ZNF469: variants seen among roughly 807,000 people sequenced by gnomAD.
ZNF469 encodes zinc finger protein 469.
A neutral mutation model predicts 1.0 loss-of-function variants in ZNF469; 1 was observed. The observed-to-expected ratio is 1.00, with a 90% confidence interval of 0.35 to 4.73. ZNF469 has a LOEUF of 4.73. ZNF469 is among the 30% of genes most tolerant of loss of function. ZNF469 has a pLI of 0.16. For missense variants in ZNF469, 6,100 were observed against 5,356.3 expected (o/e 1.14, Z -4.33); for synonymous variants, 2,703 against 2,363.4 (o/e 1.14, Z -4.17).
At chr16:88,104,799 A>T in the ZNF469 span, among the ~76,000 whole-genome samples, 453 of 150,212 alleles carry the variant, frequency 3.0e-3, 2 homozygotes, top group Non-Finnish European at 5.0e-3. Context: ...TGTGCTCCCC[A>T]CCCCTCCCTT....
chr16:88,296,521 C>A, the ZNF469 span, among the ~76,000 whole-genome samples: 2 of 149,890 alleles, frequency 1.3e-5, no homozygotes, highest in East Asian at 1.9e-4. Context: ...ACCCTCCCCA[C>A]ACACACACAG....
At chr16:88,264,941 G>C in the ZNF469 span, among the ~76,000 whole-genome samples, 2 of 152,260 alleles carry the variant, frequency 1.3e-5, no homozygotes, top group South Asian at 4.1e-4. Context: ...CTCATCCAGG[G>C]AGCGGGCACA....
the ZNF469 span, among the ~76,000 whole-genome samples, chr16:88,325,222 T>C: frequency 0.093 from 11,190 of 120,946 alleles, 514 homozygotes; most frequent in African/African-American, 0.19. Flanking sequence ...AGCTGTGACA[T>C]ACACAGGGCC....
At chr16:88,117,678 G>A in the ZNF469 span, among the ~76,000 whole-genome samples, 36 of 146,504 alleles carry the variant, frequency 2.5e-4, no homozygotes, top group Middle Eastern at 7.1e-3. Flanking sequence ...GAGGTGCCAC[G>A]TGTCTTCGGG....
chr16:88,184,401 G>A, the ZNF469 span, among the ~76,000 whole-genome samples: 1 of 151,920 alleles, frequency 6.6e-6, no homozygotes, highest in Non-Finnish European at 1.5e-5. Context: ...CTCCAAAGCC[G>A]CAGCCAATGA....
the ZNF469 span, among the ~76,000 whole-genome samples, chr16:88,122,202 T>C: frequency 6.2e-5 from 9 of 145,904 alleles, no homozygotes; most frequent in African/African-American, 2.3e-4. Flanking sequence ...CGTCACTCAA[T>C]AGGGCCACGG....
upstream of ZNF469, among the ~76,000 whole-genome samples, chr16:88,380,920 T>G (rs1201981391): frequency 1.6e-5 from 1 of 60,764 alleles, no homozygotes; most frequent in Non-Finnish European, 2.7e-5. Flanking sequence ...AGACATGCAC[T>G]CACACAGACA....
chr16:88,315,175 G>A, the ZNF469 span, among the ~76,000 whole-genome samples: 7 of 152,238 alleles, frequency 4.6e-5, no homozygotes, highest in African/African-American at 1.7e-4. Context: ...CCGAGGGCCA[G>A]GGCTCCAGGG....
rs1906507347 is a variant in ZNF469 at position 88,435,511 on chromosome 16, G to C, written c.8041G>C (p.Val2681Leu). The change falls in exon 3 of 3, where the codon GTG becomes CTG. Residue 2681 changes from valine (V) to leucine (L), a missense_variant. By Grantham distance (32) the Val-to-Leu change is conservative. Transcript: ENST00000565624. Reference protein sequence around the residue: ...YAASPSHCLSVEGGPEADGEQ... With the variant: ...YAASPSHCLSLEGGPEADGEQ... ...AGCCTCTCCGAGCCACTGCCTCTCT[G>C]TGGAAGGAGGGCCTGAGGCTGACGG... is the stretch of plus-strand genomic sequence containing the variant. 1.3e-6 allele frequency: 2 copies of C among 1,549,394 alleles called. No individual in the cohort carries two copies.
Position 88,437,058 on chromosome 16 carries a change from G to A in ZNF469, c.9588G>A (p.Glu3196=), listed in dbSNP as rs1906636432. The A allele has an allele frequency of 6.5e-7, 1 of 1,538,396 alleles. No homozygotes were observed. The highest frequency in any genetic ancestry group is 8.7e-7 in the Non-Finnish European group (1 of 1,143,768). Residue 3196 remains glutamate (E), a synonymous_variant, in exon 3 of 3, where the codon GAG becomes GAA. Coordinates refer to ENST00000565624, the MANE Select transcript of ZNF469 (RefSeq NM_001367624.2). ...DVWMYNEHLR[E]HAVRFARRGQ... is the part of the protein sequence containing the mutation. ...GGATGTACAACGAGCACCTGCGTGA[G>A]CACGCGGTCCGCTTCGCCCGCAGGG...
intron 1 of ZNF469, among the ~76,000 whole-genome samples, chr16:88,388,417 G>C (rs951498478): frequency 2.0e-5 from 3 of 152,236 alleles, no homozygotes; most frequent in Admixed American, 2.0e-4. Flanking sequence ...GGGCACGGCA[G>C]CCGCCTGCAG....
At position 88,431,243 on chromosome 16, in the gene ZNF469, C is replaced by A. The variant is rs141255631; in HGVS notation, c.3773C>A (p.Ala1258Glu). The change falls in exon 3 of 3, where the codon GCA (alanine) becomes GAA (glutamate). Residue 1258 changes from alanine to glutamate, a missense_variant. Coordinates refer to ENST00000565624, the MANE Select transcript of ZNF469 (RefSeq NM_001367624.2). ...PPAACAGEMG[A>E]SPGLLIPEQP... ...GCCGCCTGTGCGGGAGAAATGGGAG[C>A]AAGCCCCGGTCTCCTGATACCAGAG... 4,808 of 1,550,390 alleles carry A rather than the reference C, an allele frequency of 3.1e-3. 6 individuals carry two copies. The highest frequency in any genetic ancestry group is 3.8e-3 in the Non-Finnish European group (4,397 of 1,146,976).
the ZNF469 span, among the ~76,000 whole-genome samples, chr16:88,251,536 G>GTGTTTTTTTTTTTTTTTTTTTTTTTT: frequency 1.3e-4 from 10 of 78,810 alleles, no homozygotes; most frequent in Middle Eastern, 8.1e-3. Flanking sequence ...TGTCCCTGCT[G>GTGTTTTTTTTTTTTTTTTTTTTTTTT]TCTTTTTTTT....
chr16:88,301,769 T>A, the ZNF469 span, among the ~76,000 whole-genome samples: 1 of 152,188 alleles, frequency 6.6e-6, no homozygotes, highest in East Asian at 1.9e-4. Context: ...ACATCCTTTT[T>A]GTGGGTTACT....
At chr16:88,123,645 C>G in the ZNF469 span, among the ~76,000 whole-genome samples, 4 of 151,738 alleles carry the variant, frequency 2.6e-5, no homozygotes, top group South Asian at 8.3e-4. Flanking sequence ...AAACCCTTGC[C>G]AAAGGGGTCG....
At chr16:88,114,258 T>G in the ZNF469 span, among the ~76,000 whole-genome samples, 96,176 of 110,078 alleles carry the variant, frequency 0.87, 42,527 homozygotes, top group Non-Finnish European at 0.91. Flanking sequence ...TCACTGCGGG[T>G]GTCTCCGGGG....
At chr16:88,292,611 G>A in the ZNF469 span, among the ~76,000 whole-genome samples, 12 of 152,056 alleles carry the variant, frequency 7.9e-5, no homozygotes, top group Admixed American at 7.2e-4. Context: ...GCTGGAATTT[G>A]GAGCTGGAAT....
chr16:88,381,257 CGCACTCACACAGACAT>C (rs2092523893), upstream of ZNF469, among the ~76,000 whole-genome samples: 1 of 148,700 alleles, frequency 6.7e-6, no homozygotes, highest in African/African-American at 2.5e-5. Context: ...TGCACTCACA[CGCACTCACACAGACAT>C]GCACTCACAC....
chr16:88,420,515 T>C (rs900633640), intron 1 of ZNF469, among the ~76,000 whole-genome samples: 14 of 152,334 alleles, frequency 9.2e-5, no homozygotes, highest in Admixed American at 2.0e-4. Flanking sequence ...AGTTGGGCAG[T>C]GCAGCCGAGT....
Sources: allele counts gnomAD v4.1 joint callset (sites outside exome capture counted in the v4.1 genomes callset), GRCh38; gene constraint gnomAD v4.1.1; transcripts MANE v1.5; gene names NCBI Gene and HGNC (gene_info 2026-07-23, HGNC 2026-07-21).